Variants in ABCD4 observed in about 807,000 individuals in gnomAD.
ABCD4 encodes ATP binding cassette subfamily D member 4.
ABCD4 carries 53 observed loss-of-function variants against 86.3 expected under a neutral mutation model. The ratio of observed to expected loss-of-function variants is 0.61; its 90% confidence interval spans 0.49 to 0.77. The LOEUF is 0.77. Ranked by LOEUF, ABCD4 falls within the 30% of genes least tolerant of loss-of-function variation. The pLI is 0.00. For synonymous variants in ABCD4, 328 were observed against 313.6 expected (o/e 1.05, Z -0.49); for missense variants, 757 against 764.5 (o/e 0.99, Z 0.12).
intron 17 of ABCD4, among the ~76,000 whole-genome samples, chr14:74,287,050 C>A (rs1489835894): frequency 6.6e-6 from 1 of 152,204 alleles, no homozygotes; most frequent in African/African-American, 2.4e-5. Context: ...TAGATAAGCA[C>A]CAGCCACTCC....
chr14:74,292,140 G>C, intron 11 of ABCD4, 147 bp downstream of exon 11: 1 of 755,028 alleles, frequency 1.3e-6, no homozygotes, highest in Non-Finnish European at 2.2e-6. Flanking sequence ...CATCGACTGT[G>C]AACTTACATG....
chr14:74,292,971 A>G, intron 8 of ABCD4, 102 bp from the exon 9 acceptor site: 1 of 1,558,178 alleles, frequency 6.4e-7, no homozygotes, highest in South Asian at 1.2e-5. Flanking sequence ...GGCCACGTGG[A>G]CTCTCTGGAT....
chr14:74,288,105 TG>T, intron 16 of ABCD4, 101 bp downstream of exon 16: 2 of 1,358,298 alleles, frequency 1.5e-6, no homozygotes, highest in Non-Finnish European at 2.0e-6. Flanking sequence ...GCCAAACATC[TG>T]GACTTTGGGG....
rs1457249589 is a variant in ABCD4 at position 74,287,890 on chromosome 14, A to T, written c.1560-4T>A. On this transcript the variant is annotated splice_region_variant and splice_polypyrimidine_tract_variant and intron_variant, in intron 16 of 18. Transcript: ENST00000356924. ...CCCCGGGGACAGAACATCATACCTG[A>T]GGAAAGGTAGGAGAGAGGACTGCTA... is the stretch of plus-strand genomic sequence containing the variant. 8 of 1,611,206 alleles carry T rather than the reference A, an allele frequency of 5.0e-6. 1 individual carries two copies. The African/African-American group carries it at 1.1e-4, about 22-fold the overall frequency.
chr14:74,289,252 G>C lies in ABCD4; in HGVS notation c.1456+231C>G, dbSNP rs140140223. The C allele has an allele frequency of 1.6e-3, 2,119 of 1,356,776 alleles. 21 individuals carry two copies. In the African/African-American group the frequency reaches 0.02, roughly 13 times the overall value. 84.0% of individuals were successfully genotyped at this position (1,356,776 alleles called of 1,614,324 possible). ...ATAAGGGAAGGGGTGGGTGAAGGAA[G>C]GCATCACTTTCCTTGTCCCAGTGGG... On this transcript the variant is annotated intron_variant, in intron 14 of 18. Transcript: ENST00000356924.
At chr14:74,289,102 ACT>A (rs2080697318) in intron 14 of ABCD4, 5 of 1,024,650 alleles carry the variant, frequency 4.9e-6, no homozygotes, top group Middle Eastern at 4.3e-4. Flanking sequence ...ACAGAGTGAA[ACT>A]CCATCTCAAA....
Position 74,295,990 on chromosome 14 carries a change from G to C in ABCD4, c.543-11C>G, listed in dbSNP as rs2082741213. On this transcript the variant is annotated splice_polypyrimidine_tract_variant and intron_variant, in intron 5 of 18. Coordinates refer to ENST00000356924, the MANE Select transcript of ABCD4 (RefSeq NM_005050.4). ...CCGAGCCAGCCTGTGCTGAAATAGA[G>C]AGAGAGGGAGAGAAGGGAGAGGGTG... 4 of 1,590,888 alleles carry C rather than the reference G, an allele frequency of 2.5e-6. No individual in the cohort carries two copies. Among genetic ancestry groups the C allele is most frequent in the African/African-American group, 2.8e-5 (2 of 71,234 alleles).
At chr14:74,291,444 A>G (rs915456140) in intron 11 of ABCD4, among the ~76,000 whole-genome samples, 1 of 152,220 alleles carries the variant, frequency 6.6e-6, no homozygotes, top group African/African-American at 2.4e-5. Flanking sequence ...AACAAATTCT[A>G]ATGCTGGTGG....
chr14:74,292,259 A>G, intron 11 of ABCD4, 28 bp downstream of exon 11: 1 of 1,610,628 alleles, frequency 6.2e-7, no homozygotes, highest in Non-Finnish European at 8.5e-7. Context: ...TGCAGCCTCA[A>G]CTACTGCTCT....
intron 11 of ABCD4, among the ~76,000 whole-genome samples, chr14:74,291,788 T>A (rs1473515616): frequency 6.6e-6 from 1 of 152,220 alleles, no homozygotes; most frequent in Non-Finnish European, 1.5e-5. Flanking sequence ...CTACAACAAG[T>A]GAAGGAAGTT....
chr14:74,287,858 G>A lies in ABCD4; in HGVS notation c.1588C>T (p.Gln530Ter), dbSNP rs767795583. Residue 530 changes from glutamine (Q) to a stop codon, truncating the protein, a stop_gained, in exon 17 of 19, where the codon CAA becomes TAA. Coordinates refer to ENST00000356924, the MANE Select transcript of ABCD4 (RefSeq NM_005050.4). LOFTEE classifies it high-confidence loss of function. ...WYDVLSPGEM[Q>*]RLSFARLFYL... The stretch of plus-strand genomic sequence containing the variant: ...AAGAGTCGGGCAAAGGAGAGCCGTT[G>A]CATCTCCCCCGGGGACAGAACATCA... The A allele has an allele frequency of 1.7e-5, 27 of 1,613,362 alleles. No homozygotes were observed. The highest frequency in any genetic ancestry group is 2.3e-5 in the Non-Finnish European group (27 of 1,179,652).
chr14:74,289,010 G>C (rs1397125644), intron 14 of ABCD4: 2 of 935,348 alleles, frequency 2.1e-6, no homozygotes, highest in Middle Eastern at 7.8e-4. Context: ...TACGGAAGAG[G>C]CTGAGGCAGG....
chr14:74,297,679 C>A, intron 4 of ABCD4: 1 of 1,164,236 alleles, frequency 8.6e-7, no homozygotes, highest in Non-Finnish European at 1.1e-6. Flanking sequence ...CCTGCCTCAG[C>A]CTCCTGAGTT....
rs538531128 is a variant in ABCD4, at chr14:74,285,714, T to C, written c.*747A>G. 6.6e-6 allele frequency: 1 copy of C among 152,152 alleles called. No homozygotes were observed. The highest frequency in any genetic ancestry group is 1.5e-5 in the Non-Finnish European group (1 of 68,032). 9.4% of individuals were successfully genotyped at this position (152,152 alleles called of 1,614,324 possible). A position where few individuals can be genotyped will look rare whatever the true frequency, so the allele number is the denominator to read the frequency against. ...GTTGTTGTTCCCTAATATAGACTAT[T>C]TTTTTAGAAAACCCAACCTTATTTT... On this transcript the variant is annotated 3_prime_UTR_variant, in exon 19 of 19. Coordinates refer to ENST00000356924, the MANE Select transcript of ABCD4 (RefSeq NM_005050.4).
At chr14:74,287,769 A>C (rs776090983) in intron 17 of ABCD4, 41 bp downstream of exon 17, 34 of 1,562,524 alleles carry the variant, frequency 2.2e-5, no homozygotes, top group African/African-American at 4.1e-5. Flanking sequence ...CCGTGAGTGC[A>C]GACAGCGCAT....
chr14:74,301,954 A>AC (rs1389330428), intron 1 of ABCD4, among the ~76,000 whole-genome samples: 2 of 151,318 alleles, frequency 1.3e-5, no homozygotes, highest in African/African-American at 4.9e-5. Context: ...ACCACCTTAC[A>AC]CCCCCCAGAC....
intron 11 of ABCD4, among the ~76,000 whole-genome samples, chr14:74,291,479 C>G (rs1441558546): frequency 6.6e-6 from 1 of 152,130 alleles, no homozygotes; most frequent in African/African-American, 2.4e-5. Context: ...ACAGTGTGAC[C>G]AGAGTACTAA....
At chr14:74,297,194 T>C (rs2083087528) in intron 4 of ABCD4, 1 of 152,276 alleles carries the variant, frequency 6.6e-6, no homozygotes, top group Non-Finnish European at 1.5e-5. Flanking sequence ...ATCTGTAAAA[T>C]AACAATAGCT....
chr14:74,286,404 C>A lies in ABCD4; in HGVS notation c.*57G>T, dbSNP rs1052012. Reference sequence around the variant, plus strand: ...GATCTTCGCTGTCAGTCCTCCTGGTCTCTCCTGAGGGCCGCCGACCCGCCA... The same window carrying A: ...GATCTTCGCTGTCAGTCCTCCTGGTATCTCCTGAGGGCCGCCGACCCGCCA... On this transcript the variant is annotated 3_prime_UTR_variant, in exon 19 of 19. Coordinates refer to ENST00000356924, the MANE Select transcript of ABCD4 (RefSeq NM_005050.4). 5.0e-5 allele frequency: 80 copies of A among 1,588,666 alleles called. No homozygotes were observed. Among genetic ancestry groups the A allele is most frequent in the Non-Finnish European group, 6.6e-5 (76 of 1,158,312 alleles).
Sources: allele counts gnomAD v4.1 joint callset (sites outside exome capture counted in the v4.1 genomes callset), GRCh38; gene constraint gnomAD v4.1.1; transcripts MANE v1.5; gene names NCBI Gene and HGNC (gene_info 2026-07-23, HGNC 2026-07-21).